The following AMPH variants were observed in gnomAD, a reference collection of about 807,000 sequenced individuals.
AMPH encodes the protein amphiphysin.
In AMPH, 49 loss-of-function variants were observed where a neutral mutation model predicts 99.1. The observed-to-expected ratio is 0.49, with a 90% confidence interval of 0.39 to 0.63. AMPH has a LOEUF of 0.63. Among genes scored for constraint, AMPH ranks in the 20% least tolerant of loss-of-function variants. The pLI is 0.00. For synonymous variants in AMPH, 314 were observed against 317.3 expected, an observed-to-expected ratio of 0.99 and a Z score of 0.11; for missense variants, 759 against 863.4, an observed-to-expected ratio of 0.88 and a Z score of 1.52.
At chr7:38,420,980 C>A (rs1312815243) in intron 16 of AMPH, 1 of 456,508 alleles carries the variant, frequency 2.2e-6, no homozygotes, top group African/African-American at 2.0e-5. Flanking sequence ...CGTGTACAAT[C>A]ACGACTCACT....
At chr7:38,395,703 A>G (rs1205469503) in intron 17 of AMPH, among the ~76,000 whole-genome samples, 1 of 152,222 alleles carries the variant, frequency 6.6e-6, no homozygotes, top group Non-Finnish European at 1.5e-5. Flanking sequence ...TTTGTTGAAT[A>G]CATTCTATCC....
chr7:38,415,811 A>G (rs1447911322), intron 17 of AMPH, among the ~76,000 whole-genome samples: 17 of 152,040 alleles, frequency 1.1e-4, no homozygotes, highest in Non-Finnish European at 1.8e-4. Context: ...CGTGGATCAC[A>G]CTGTGAGCTC....
At chr7:38,462,037 G>T (rs139132488) in intron 10 of AMPH, among the ~76,000 whole-genome samples, 37 of 152,268 alleles carry the variant, frequency 2.4e-4, no homozygotes, top group Non-Finnish European at 4.6e-4. Context: ...CTCTCATGAG[G>T]CGGGGCAGTG....
intron 4 of AMPH, among the ~76,000 whole-genome samples, chr7:38,492,185 T>C (rs1788744106): frequency 6.6e-6 from 1 of 152,210 alleles, no homozygotes; most frequent in South Asian, 2.1e-4. Flanking sequence ...CTTCCCAGAC[T>C]CCTTTGCAAC....
intron 7 of AMPH, among the ~76,000 whole-genome samples, chr7:38,470,706 C>T (rs1281208767): frequency 1.3e-5 from 2 of 152,088 alleles, no homozygotes; most frequent in African/African-American, 4.8e-5. Flanking sequence ...ATGGTAATGA[C>T]TCCCAAACCT....
chr7:38,424,820 G>C (rs956584908), intron 15 of AMPH, among the ~76,000 whole-genome samples: 84 of 152,124 alleles, frequency 5.5e-4, no homozygotes, highest in Non-Finnish European at 1.9e-4. Flanking sequence ...GTTCCAGAGA[G>C]AAAGAGAGAA....
chr7:38,613,900 T>A (rs1376303766), intron 1 of AMPH, among the ~76,000 whole-genome samples: 1 of 152,030 alleles, frequency 6.6e-6, no homozygotes, highest in Non-Finnish European at 1.5e-5. Context: ...CCACAGCAGT[T>A]CCATAGTACA....
intron 1 of AMPH, among the ~76,000 whole-genome samples, chr7:38,537,291 T>C (rs541093132): frequency 6.5e-4 from 99 of 152,292 alleles, no homozygotes; most frequent in East Asian, 4.6e-3. Context: ...AAGATATTAA[T>C]AGTGCCTACT....
intron 19 of AMPH, among the ~76,000 whole-genome samples, chr7:38,391,334 G>A (rs2128974298): frequency 6.6e-6 from 1 of 152,198 alleles, no homozygotes; most frequent in South Asian, 2.1e-4. Context: ...CCTACTCTGT[G>A]TCATGCACCC....
chr7:38,509,677 T>C (rs1789464425), intron 2 of AMPH, among the ~76,000 whole-genome samples: 1 of 152,176 alleles, frequency 6.6e-6, no homozygotes. Context: ...GTGAGGAGAC[T>C]TGACTTATAA....
At chr7:38,503,825 A>C in intron 2 of AMPH, 121 bp from the exon 3 acceptor site, 3 of 930,350 alleles carry the variant, frequency 3.2e-6, no homozygotes, top group Non-Finnish European at 5.1e-6. Context: ...AAACATAAAT[A>C]TGTGGACACA....
chr7:38,435,899 G>A (rs1786241089), intron 12 of AMPH, among the ~76,000 whole-genome samples: 1 of 152,182 alleles, frequency 6.6e-6, no homozygotes. Context: ...AGGAAGGGAA[G>A]TAGAGAAAAG....
At chr7:38,483,772 A>G (rs1788381695) in intron 5 of AMPH, among the ~76,000 whole-genome samples, 2 of 152,176 alleles carry the variant, frequency 1.3e-5, no homozygotes, top group Admixed American at 1.3e-4. Context: ...ACAGGGAAAT[A>G]TGTTTCAAAC....
intron 17 of AMPH, among the ~76,000 whole-genome samples, chr7:38,399,829 A>T (rs1054225019): frequency 2.6e-5 from 4 of 152,198 alleles, no homozygotes; most frequent in African/African-American, 9.7e-5. Flanking sequence ...TCTTCTGCCC[A>T]ACCTATACTA....
intron 1 of AMPH, among the ~76,000 whole-genome samples, chr7:38,546,965 G>C (rs1791016089): frequency 6.6e-6 from 1 of 152,082 alleles, no homozygotes; most frequent in Admixed American, 6.6e-5. Flanking sequence ...CTTCCCTCTA[G>C]TCTCAACCAA....
intron 1 of AMPH, among the ~76,000 whole-genome samples, chr7:38,539,370 C>T (rs994162585): frequency 3.9e-5 from 6 of 152,028 alleles, no homozygotes; most frequent in Non-Finnish European, 5.9e-5. Flanking sequence ...AACTTGGGGG[C>T]ATGAAGAATC....
At chr7:38,458,536 G>A (rs922646781) in intron 11 of AMPH, among the ~76,000 whole-genome samples, 1 of 152,026 alleles carries the variant, frequency 6.6e-6, no homozygotes, top group Non-Finnish European at 1.5e-5. Context: ...TTTATATCAG[G>A]GATCTAAGGA....
intron 20 of AMPH, 126 bp downstream of exon 20, chr7:38,389,678 T>C: frequency 3.9e-6 from 3 of 760,202 alleles, no homozygotes; most frequent in South Asian, 3.3e-5. Context: ...CACAAGCCCT[T>C]AAGCCCTTTT....
chr7:38,539,966 A>C (rs974583903), intron 1 of AMPH, among the ~76,000 whole-genome samples: 5 of 152,242 alleles, frequency 3.3e-5, no homozygotes, highest in Admixed American at 2.6e-4. Flanking sequence ...CTATGTCACG[A>C]GTATTTGACA....
Sources: allele counts gnomAD v4.1 joint callset (sites outside exome capture counted in the v4.1 genomes callset), GRCh38; gene constraint gnomAD v4.1.1; transcripts MANE v1.5; gene names NCBI Gene and HGNC (gene_info 2026-07-23, HGNC 2026-07-21).